Variants in DRC3 observed in about 807,000 individuals in gnomAD.
DRC3 encodes leucine rich repeat containing 48.
DRC3 carries 45 observed loss-of-function variants against 57.6 expected under a neutral mutation model. The observed-to-expected ratio is 0.78, with a 90% CI of 0.62 to 1.00. The LOEUF is 1.00. DRC3 is among the 50% of genes least tolerant of loss of function. DRC3 has a pLI of 0.00. For missense variants in DRC3, 655 were observed against 675.2 expected, an observed-to-expected ratio of 0.97 and a Z score of 0.33; for synonymous variants, 257 against 272.3, an observed-to-expected ratio of 0.94 and a Z score of 0.55.
Position 18,016,822 on chromosome 17 carries a change from A to C in DRC3, c.*151A>C. On this transcript the variant is annotated 3_prime_UTR_variant, in exon 14 of 14. Transcript: ENST00000399187. The stretch of plus-strand genomic sequence containing the variant: ...CCATTCTTCCCCCACCCCTGGAAAA[A>C]CTTCCAAAAGTAGAGAAAATAAAGG... The C allele has an allele frequency of 2.0e-6, 1 of 505,508 alleles. No individual in the cohort carries two copies. The highest frequency in any genetic ancestry group is 3.5e-6 in the Non-Finnish European group (1 of 284,466). The allele number at this position is 505,508 out of a possible 1,614,324, so 31.3% of individuals were successfully genotyped here.
At chr17:17,999,464 C>T (rs2043597664) in intron 9 of DRC3, among the ~76,000 whole-genome samples, 1 of 152,146 alleles carries the variant, frequency 6.6e-6, no homozygotes, top group Admixed American at 6.5e-5. Flanking sequence ...TTCCCAAGAC[C>T]CCATAGGCCC....
intron 12 of DRC3, chr17:18,010,863 G>T: frequency 2.7e-6 from 1 of 369,180 alleles, no homozygotes; most frequent in East Asian, 8.6e-5. Flanking sequence ...CCCTGGAAGA[G>T]ATCTATCTCT....
At chr17:18,015,942 C>A in intron 12 of DRC3, 122 bp from the exon 13 acceptor site, 4 of 1,017,028 alleles carry the variant, frequency 3.9e-6, no homozygotes, top group Non-Finnish European at 5.8e-6. Context: ...CAAAGGTGGG[C>A]TCTGCTCTGA....
At chr17:17,975,210 CTT>C (rs5819639) in intron 2 of DRC3, among the ~76,000 whole-genome samples, 51,673 of 137,664 alleles carry the variant, frequency 0.38, 9,612 homozygotes, top group South Asian at 0.69. Context: ...AGTATAGCAC[CTT>C]TTTTTTTTTT....
rs1223055273 is a variant in DRC3, at chr17:18,008,175, T to C, written c.1326+1028T>C. 1.3e-5 allele frequency among the ~76,000 whole-genome samples: 2 copies of C among 151,914 alleles called. No individual in the cohort carries two copies. The highest frequency in any genetic ancestry group is 6.6e-5 in the Admixed American group (1 of 15,250). ...CCAGGCTTGCTCCTTTCAGTTGATA[T>C]TCCACCTGGCAGACACGCTCTTCCT... On this transcript the variant is annotated intron_variant, in intron 12 of 13. Coordinates refer to ENST00000399187, the MANE Select transcript of DRC3 (RefSeq NM_031294.4). This position sits in a 1 kb window ranked among gnomAD's most constrained non-coding sequence, Gnocchi z 4.3.
intron 6 of DRC3, 93 bp downstream of exon 6, chr17:17,993,004 C>A: frequency 7.2e-7 from 1 of 1,383,732 alleles, no homozygotes; most frequent in South Asian, 1.3e-5. Context: ...AGTAGCTTCC[C>A]CTGCCCACAA....
chr17:17,982,637 C>T (rs1160704910), intron 3 of DRC3, among the ~76,000 whole-genome samples: 2 of 145,548 alleles, frequency 1.4e-5, no homozygotes, highest in Non-Finnish European at 3.0e-5. Context: ...TGCAGTGGCG[C>T]GATCTTGGCT....
intron 3 of DRC3, among the ~76,000 whole-genome samples, chr17:17,979,958 C>T (rs1597539943): frequency 2.0e-5 from 3 of 152,070 alleles, no homozygotes; most frequent in Non-Finnish European, 4.4e-5. Context: ...GCAGTCCCAC[C>T]CAGCCCTGGG....
chr17:17,992,793 T>A lies in DRC3; in HGVS notation c.473T>A (p.Leu158Gln), dbSNP rs375433410. 1.9e-6 allele frequency: 3 copies of A among 1,613,682 alleles called. No individual in the cohort carries two copies. Among genetic ancestry groups the A allele is most frequent in the African/African-American group, 1.3e-5 (1 of 74,910 alleles). Residue 158 changes from leucine (L) to glutamine (Q), a missense_variant, in exon 6 of 14, where the codon CTG becomes CAG. Leu to Gln is a moderately radical substitution (Grantham distance 113). Coordinates refer to ENST00000399187, the MANE Select transcript of DRC3 (RefSeq NM_031294.4). Reference protein sequence around the residue: ...NIIYLRRFKCLRTLSLSRNPI... With the variant: ...NIIYLRRFKCQRTLSLSRNPI... ...ATCTACCTCCGGCGGTTCAAGTGCC[T>A]GCGGACGCTCAGCCTCTCTAGGAAC... is the stretch of plus-strand genomic sequence containing the variant.
At chr17:17,975,420 C>A (rs1468117147) in intron 2 of DRC3, among the ~76,000 whole-genome samples, 1 of 151,884 alleles carries the variant, frequency 6.6e-6, no homozygotes, top group Non-Finnish European at 1.5e-5. Context: ...CCATGTTGGC[C>A]AGGATGGTCT....
intron 9 of DRC3, among the ~76,000 whole-genome samples, chr17:18,001,088 TTTC>T: frequency 6.6e-6 from 1 of 151,382 alleles, no homozygotes; most frequent in East Asian, 1.9e-4. Context: ...TTTCTTTTTC[TTTC>T]TTTTTTTTTT....
chr17:18,001,676 AT>A (rs1194604693), intron 9 of DRC3, among the ~76,000 whole-genome samples: 2 of 152,130 alleles, frequency 1.3e-5, no homozygotes, highest in African/African-American at 4.8e-5. Flanking sequence ...CACAACTGTA[AT>A]CCCAGCACTT....
intron 3 of DRC3, among the ~76,000 whole-genome samples, chr17:17,983,619 G>A (rs551974855): frequency 6.6e-6 from 1 of 152,256 alleles, no homozygotes; most frequent in East Asian, 1.9e-4. Context: ...GTCTTTCTGT[G>A]GCTCTGGGTG....
chr17:18,009,743 T>C (rs6502632), intron 12 of DRC3, among the ~76,000 whole-genome samples: 64,713 of 152,028 alleles, frequency 0.43, 15,121 homozygotes, highest in East Asian at 0.91. Context: ...CTGGCTTCTG[T>C]TACCTAATTA....
chr17:17,977,977 C>G, intron 3 of DRC3: 1 of 461,408 alleles, frequency 2.2e-6, no homozygotes, highest in Non-Finnish European at 3.8e-6. Context: ...GCTCCGGATT[C>G]TGAATAAGAA....
intron 9 of DRC3, among the ~76,000 whole-genome samples, chr17:17,998,985 C>T (rs1354606519): frequency 6.6e-6 from 1 of 152,222 alleles, no homozygotes; most frequent in Non-Finnish European, 1.5e-5. Context: ...CAGTTGTCCC[C>T]TCTGGACAGG....
chr17:18,007,466 G>A, intron 12 of DRC3: 4 of 1,551,316 alleles, frequency 2.6e-6, no homozygotes, highest in Non-Finnish European at 3.5e-6. Flanking sequence ...TACAGGTAGA[G>A]GTTGAAGTCT....
rs749862437 is a variant in DRC3 at position 18,016,649 on chromosome 17, A to C, written c.1550A>C (p.Glu517Ala). The change falls in exon 14 of 14, where the codon GAA becomes GCA. Residue 517 changes from glutamate to alanine, a missense_variant. Physicochemically the swap from Glu to Ala is moderately radical, Grantham distance 107. Transcript: ENST00000399187. The stretch of plus-strand genomic sequence containing the variant: ...ATGCAGAGCGAACTGGACAACCTGG[A>C]ATGTGGCGACATCCTAGACTAGATG... The part of the protein sequence containing the change: ...DHMQSELDNL[E>A]CGDILD 4.3e-6 allele frequency: 7 copies of C among 1,612,862 alleles called. No individual in the cohort carries two copies. The highest frequency in any genetic ancestry group is 3.3e-5 in the South Asian group (3 of 91,046).
At chr17:17,988,368 A>AT in intron 5 of DRC3, 1 of 453,160 alleles carries the variant, frequency 2.2e-6, no homozygotes, top group East Asian at 4.4e-5. Flanking sequence ...TTTAACAAAC[A>AT]TTTGCTGAGG....
Sources: allele counts gnomAD v4.1 joint callset (sites outside exome capture counted in the v4.1 genomes callset), GRCh38; gene constraint gnomAD v4.1.1; non-coding constraint Gnocchi (gnomAD v3.1); transcripts MANE v1.5; gene names NCBI Gene and HGNC (gene_info 2026-07-23, HGNC 2026-07-21).